CAP2: variants seen among roughly 807,000 people sequenced by gnomAD.
CAP2 encodes cyclase associated actin cytoskeleton regulatory protein 2.
In CAP2, 24 loss-of-function variants were observed where a neutral mutation model predicts 57.7. That is an observed-to-expected ratio of 0.42 (90% CI 0.30 to 0.58). CAP2 has a LOEUF of 0.58. Among genes scored for constraint, CAP2 ranks in the 20% least tolerant of loss-of-function variants. CAP2 has a pLI of 0.22. For missense variants in CAP2, 501 were observed against 590.3 expected (o/e 0.85, Z 1.57); for synonymous variants, 194 against 207.2 (o/e 0.94, Z 0.55).
chr6:17,422,845 A>AT (rs899899314), intron 2 of CAP2, among the ~76,000 whole-genome samples: 11 of 152,158 alleles, frequency 7.2e-5, no homozygotes, highest in Admixed American at 2.6e-4. Flanking sequence ...TTACTTAATA[A>AT]TTTTTTTAAC....
chr6:17,442,840 C>T (rs957204990), intron 3 of CAP2, among the ~76,000 whole-genome samples: 10 of 151,890 alleles, frequency 6.6e-5, no homozygotes, highest in Non-Finnish European at 1.3e-4. Flanking sequence ...GCCTCAGCCT[C>T]CCGAGTAGCT....
chr6:17,407,960 A>G (rs1317959387), intron 1 of CAP2, among the ~76,000 whole-genome samples: 3 of 152,080 alleles, frequency 2.0e-5, no homozygotes, highest in Admixed American at 6.6e-5. Flanking sequence ...AACACTTAAG[A>G]ACTGATCTTT....
chr6:17,507,160 T>C lies in CAP2; in HGVS notation c.301-9T>C. 6.2e-7 allele frequency: 1 copy of C among 1,614,188 alleles called. No individual in the cohort carries two copies. Among genetic ancestry groups the C allele is most frequent in the Non-Finnish European group, 8.5e-7 (1 of 1,180,018 alleles). On this transcript the variant is annotated splice_polypyrimidine_tract_variant and intron_variant, in intron 4 of 12. Coordinates refer to ENST00000229922, the MANE Select transcript of CAP2 (RefSeq NM_006366.3). The stretch of plus-strand genomic sequence containing the variant: ...GTAGTAAAAGCCCCCGATGTTTGAC[T>C]GCTTACAGAATGACGTGGCCGCACT...
At chr6:17,421,768 C>G in intron 2 of CAP2, 92 bp downstream of exon 2, 1 of 1,405,546 alleles carries the variant, frequency 7.1e-7, no homozygotes, top group East Asian at 2.3e-5. Flanking sequence ...TTTCTATTAT[C>G]CTTCAGCTTC....
At chr6:17,435,716 A>AT (rs1171339173) in intron 3 of CAP2, among the ~76,000 whole-genome samples, 15 of 131,990 alleles carry the variant, frequency 1.1e-4, no homozygotes, top group East Asian at 2.1e-4. Flanking sequence ...AAGTTTACGG[A>AT]TAAAAAAAAA....
intron 4 of CAP2, among the ~76,000 whole-genome samples, chr6:17,499,019 A>G (rs1761735655): frequency 6.6e-6 from 1 of 151,730 alleles, no homozygotes; most frequent in Non-Finnish European, 1.5e-5. Flanking sequence ...GTGAGCCACC[A>G]CGCCCGGCCA....
At chr6:17,459,542 A>T (rs1173268371) in intron 3 of CAP2, among the ~76,000 whole-genome samples, 1 of 152,236 alleles carries the variant, frequency 6.6e-6, no homozygotes, top group African/African-American at 2.4e-5. Flanking sequence ...CTTGAAGAAA[A>T]TAGTATTTAA....
At chr6:17,549,456 C>T (rs1319296266) in intron 11 of CAP2, among the ~76,000 whole-genome samples, 3 of 151,678 alleles carry the variant, frequency 2.0e-5, no homozygotes, top group East Asian at 1.9e-4. Flanking sequence ...AAGAGCGAAA[C>T]TCCATCTTCA....
rs1760340668 is a variant in CAP2 at position 17,449,195 on chromosome 6, T to C, written c.223-13801T>C. Among the ~76,000 whole-genome samples, 3 of 152,182 alleles carry C rather than the reference T, an allele frequency of 2.0e-5. No individual in the cohort carries two copies. The South Asian group carries it at 6.2e-4, about 32-fold the overall frequency. On this transcript the variant is annotated intron_variant, in intron 3 of 12. Coordinates refer to ENST00000229922, the MANE Select transcript of CAP2 (RefSeq NM_006366.3). ...AGGGCTTGGACTAAGGTGACACAAG[T>C]GAACATTGCAGGGTGTGACCTAAAG...
Position 17,551,561 on chromosome 6 carries a change from A to C in CAP2, c.1307A>C (p.Lys436Thr). The C allele has an allele frequency of 6.2e-7, 1 of 1,612,596 alleles. No individual in the cohort carries two copies. The highest frequency in any genetic ancestry group is 8.5e-7 in the Non-Finnish European group (1 of 1,178,914). Residue 436 changes from lysine to threonine, a missense_variant, in exon 12 of 13, where the codon AAG becomes ACG. Lys to Thr is a moderately conservative substitution (Grantham distance 78). Coordinates refer to ENST00000229922, the MANE Select transcript of CAP2 (RefSeq NM_006366.3). ...DALDCEIVSA[K>T]SSEMNILIPQ... ...TTAGACTGTGAGATCGTGAGCGCCAAGTCATCTGAAATGAACATACTTATC... is the reference window on the plus strand; with the variant it reads ...TTAGACTGTGAGATCGTGAGCGCCACGTCATCTGAAATGAACATACTTATC...
At chr6:17,431,002 T>C (rs1759713859) in intron 3 of CAP2, among the ~76,000 whole-genome samples, 1 of 152,168 alleles carries the variant, frequency 6.6e-6, no homozygotes. Context: ...TTTTAAATGT[T>C]TGTAGGAATC....
intron 7 of CAP2, among the ~76,000 whole-genome samples, chr6:17,529,651 A>AAAAAATATATATATATAT (rs10656588): frequency 8.9e-5 from 12 of 134,536 alleles, no homozygotes; most frequent in African/African-American, 3.2e-4. Context: ...AAAAAAAAAA[A>AAAAAATATATATATATAT]ATATATATAT....
At chr6:17,541,507 G>T (rs1338035041) in intron 9 of CAP2, among the ~76,000 whole-genome samples, 1 of 151,998 alleles carries the variant, frequency 6.6e-6, no homozygotes, top group African/African-American at 2.4e-5. Flanking sequence ...TTGAACCCGA[G>T]AGGTGGAGGT....
intron 12 of CAP2, among the ~76,000 whole-genome samples, chr6:17,554,784 A>G (rs376019312): frequency 5.9e-5 from 9 of 152,330 alleles, no homozygotes; most frequent in Middle Eastern, 3.4e-3. Flanking sequence ...GAGGTTTTCT[A>G]TCTTCTTCTG....
At chr6:17,421,854 C>T (rs878968665) in intron 2 of CAP2, among the ~76,000 whole-genome samples, 178 bp downstream of exon 2, 2 of 152,346 alleles carry the variant, frequency 1.3e-5, no homozygotes, top group Non-Finnish European at 2.9e-5. Context: ...AGGAAGAAAA[C>T]CTTTCAACCC....
At chr6:17,556,330 A>T in intron 12 of CAP2, 29 bp from the exon 13 acceptor site, 2 of 1,502,992 alleles carry the variant, frequency 1.3e-6, no homozygotes, top group Non-Finnish European at 1.9e-6. Flanking sequence ...TGTAGTTTAA[A>T]TAACTTTGTT....
intron 7 of CAP2, among the ~76,000 whole-genome samples, chr6:17,527,372 C>A (rs1412743166): frequency 6.6e-6 from 1 of 152,048 alleles, no homozygotes; most frequent in Non-Finnish European, 1.5e-5. Flanking sequence ...GGAAAGTTTT[C>A]CCATGGAAAA....
At chr6:17,522,928 G>A (rs939593379) in intron 7 of CAP2, among the ~76,000 whole-genome samples, 8 of 152,252 alleles carry the variant, frequency 5.3e-5, no homozygotes, top group African/African-American at 1.7e-4. Context: ...CAGAGTAGCC[G>A]GTACTACAGC....
chr6:17,556,385 C>A lies in CAP2; in HGVS notation c.1377C>A (p.Phe459Leu), dbSNP rs754371232. ...GAGAATTTCCCATTCCTGAACAGTT[C>A]AAGACAGCATGGGATGGATCCAAGT... ...DYREFPIPEQ[F>L]KTAWDGSKLI... Residue 459 changes from phenylalanine to leucine, a missense_variant, in exon 13 of 13, where the codon TTC becomes TTA. Physicochemically the swap from Phe to Leu is conservative, Grantham distance 22. Coordinates refer to ENST00000229922, the MANE Select transcript of CAP2 (RefSeq NM_006366.3). 183 of 1,613,514 alleles carry A rather than the reference C, an allele frequency of 1.1e-4. 2 individuals are homozygous for A. The South Asian group carries it at 2.0e-3, about 17-fold the overall frequency.
Sources: gnomAD v4.1 joint callset for allele counts (sites outside exome capture counted in the v4.1 genomes callset) on GRCh38, gnomAD v4.1.1 for gene constraint, MANE v1.5 for transcripts, NCBI Gene and HGNC (gene_info 2026-07-23, HGNC 2026-07-21) for gene names.